The following WNT5A variants were observed in gnomAD, a reference collection of about 807,000 sequenced individuals.
The protein encoded by WNT5A is Wnt family member 5A, also known as protein Wnt-5a.
WNT5A carries 9 observed loss-of-function variants against 42.1 expected under a neutral mutation model. The observed-to-expected ratio is 0.21, with a 90% CI of 0.13 to 0.37. The LOEUF (loss-of-function observed/expected upper bound fraction) is 0.37. WNT5A is among the 10% of genes least tolerant of loss of function. The pLI is 1.00. For synonymous variants in WNT5A, 210 were observed against 210.0 expected (o/e 1.00, Z 0.00); for missense variants, 426 against 534.0 (o/e 0.80, Z 1.99).
intron 1 of WNT5A, among the ~76,000 whole-genome samples, chr3:55,482,832 G>A (rs1267522061): frequency 6.6e-6 from 1 of 152,218 alleles, no homozygotes; most frequent in South Asian, 2.1e-4. Flanking sequence ...TGCTTCTCGC[G>A]CAGCCCAGGC....
chr3:55,486,884 A>C, intron 1 of WNT5A, 96 bp downstream of exon 1: 1 of 844,984 alleles, frequency 1.2e-6, no homozygotes, highest in African/African-American at 1.7e-5. Context: ...GGTTGGGGAA[A>C]TGGAGGGATA....
chr3:55,481,062 G>GAT, intron 1 of WNT5A, 144 bp from the exon 2 acceptor site: 1 of 894,982 alleles, frequency 1.1e-6, no homozygotes, highest in Non-Finnish European at 1.5e-6. Flanking sequence ...TTGATGGCAA[G>GAT]ATATAGGCAG....
At chr3:55,474,152 G>A in intron 4 of WNT5A, among the ~76,000 whole-genome samples, 185 bp downstream of exon 4, 1 of 152,008 alleles carries the variant, frequency 6.6e-6, no homozygotes, top group Middle Eastern at 3.2e-3. Context: ...AGGATGAGGA[G>A]GAAAGAGACA....
At chr3:55,470,692 C>T (rs2051233993) in intron 4 of WNT5A, 142 bp from the exon 5 acceptor site, 1 of 775,670 alleles carries the variant, frequency 1.3e-6, no homozygotes, top group Admixed American at 3.3e-5. Flanking sequence ...CCTTCATTAC[C>T]AGAAGTCTTA....
intron 1 of WNT5A, chr3:55,481,204 C>T (rs1407572835): frequency 3.9e-6 from 3 of 767,838 alleles, no homozygotes; most frequent in Non-Finnish European, 5.0e-6. Flanking sequence ...TGGTGCCAGG[C>T]GCTGCCTCCT....
chr3:55,470,657 CT>C (rs1370905351), intron 4 of WNT5A, 107 bp from the exon 5 acceptor site: 1 of 1,060,670 alleles, frequency 9.4e-7, no homozygotes, highest in African/African-American at 1.6e-5. Context: ...TGTTCCCCAG[CT>C]GAATTAAGGA....
intron 3 of WNT5A, 123 bp downstream of exon 3, chr3:55,479,191 G>T: frequency 1.8e-6 from 2 of 1,132,722 alleles, no homozygotes; most frequent in Non-Finnish European, 2.4e-6. Flanking sequence ...AAATGCCCAA[G>T]CCACCACCCG....
intron 2 of WNT5A, among the ~76,000 whole-genome samples, chr3:55,480,435 A>G (rs1262095397): frequency 6.6e-6 from 1 of 152,198 alleles, no homozygotes; most frequent in Non-Finnish European, 1.5e-5. Context: ...TTTACTACCT[A>G]GAGGTGGCAA....
intron 3 of WNT5A, among the ~76,000 whole-genome samples, chr3:55,477,184 T>G (rs187601031): frequency 7.3e-4 from 111 of 152,294 alleles, no homozygotes; most frequent in East Asian, 7.7e-4. Context: ...GTATTTTAAA[T>G]TTTCCCTTAG....
chr3:55,470,655 A>C, intron 4 of WNT5A, 105 bp from the exon 5 acceptor site: 1 of 1,058,490 alleles, frequency 9.4e-7, no homozygotes, highest in Non-Finnish European at 1.3e-6. Context: ...TATGTTCCCC[A>C]GCTGAATTAA....
chr3:55,490,655 C>T (rs908947083), upstream of WNT5A: 8 of 152,318 alleles, frequency 5.3e-5, no homozygotes, highest in Middle Eastern at 3.4e-3. Context: ...CAGGCCCTTA[C>T]CTGGCACTCA....
chr3:55,479,296 T>C lies in WNT5A; in HGVS notation c.391+18A>G. The C allele has an allele frequency of 1.4e-6, 2 of 1,471,288 alleles. No homozygotes were observed. The highest frequency in any genetic ancestry group is 1.4e-5 in the African/African-American group (1 of 70,594). The allele number at this position is 1,471,288 out of a possible 1,614,324, so 91.1% of individuals were successfully genotyped here. ...AAAAAGTTAATGTTTTAAAAAAATA[T>C]TTTAAATGTTTTCCTACCTATCTGC... On this transcript the variant is annotated intron_variant, in intron 3 of 4. Coordinates refer to ENST00000264634, the MANE Select transcript of WNT5A (RefSeq NM_003392.7).
At chr3:55,496,568 A>C in the WNT5A span, among the ~76,000 whole-genome samples, 1 of 152,176 alleles carries the variant, frequency 6.6e-6, no homozygotes, top group Non-Finnish European at 1.5e-5. Context: ...GGCTCCACTC[A>C]CGTGTCATTT....
Position 55,467,437 on chromosome 3 carries a change from C to G in WNT5A, c.*2655G>C, listed in dbSNP as rs75604544. 72 of 147,384 alleles carry G rather than the reference C, an allele frequency of 4.9e-4. No homozygotes were observed. The East Asian group carries it at 0.014, about 28-fold the overall frequency. The allele number at this position is 147,384 out of a possible 1,614,324, so 9.1% of individuals were successfully genotyped here. On this transcript the variant is annotated 3_prime_UTR_variant, in exon 5 of 5. Transcript: ENST00000264634. Reference sequence around the variant, plus strand: ...CCTTTTGTTCCATTACATATAGAAACCTTTTGAAGCTTCCAAATAGCTTGG... The same window carrying G: ...CCTTTTGTTCCATTACATATAGAAAGCTTTTGAAGCTTCCAAATAGCTTGG...
chr3:55,480,863 A>G lies in WNT5A; in HGVS notation c.62T>C (p.Met21Thr), dbSNP rs748871825. 9 of 1,590,274 alleles carry G rather than the reference A, an allele frequency of 5.7e-6. No homozygotes were observed. The highest frequency in any genetic ancestry group is 1.3e-5 in the African/African-American group (1 of 74,596). Residue 21 changes from methionine to threonine, a missense_variant, in exon 2 of 5, where the codon ATG becomes ACG. Coordinates refer to ENST00000264634, the MANE Select transcript of WNT5A (RefSeq NM_003392.7). ...AGCCACTAGGAAGAACTTGGAAGAC[A>G]TTGCACTTCCAGCCATCCCCAAAGC... ...GVALGMAGSAMSSKFFLVALA... is the reference protein window; with the variant it reads ...GVALGMAGSATSSKFFLVALA...
chr3:55,480,048 G>A (rs971498137), intron 2 of WNT5A, among the ~76,000 whole-genome samples: 7 of 152,122 alleles, frequency 4.6e-5, no homozygotes, highest in African/African-American at 1.7e-4. Flanking sequence ...ACAGACTGGA[G>A]AAAATTCACC....
Position 55,487,060 on chromosome 3 carries a change from G to A in WNT5A, c.-75C>T. On this transcript the variant is annotated 5_prime_UTR_variant, in exon 1 of 5. Coordinates refer to ENST00000264634, the MANE Select transcript of WNT5A (RefSeq NM_003392.7). ...GCCGAGGAATCCGAGCGGAGCGACC[G>A]GGTTAAGCCTGGGGGGACGGTCAGG... 2.8e-6 allele frequency: 4 copies of A among 1,448,738 alleles called. No homozygotes were observed. Among genetic ancestry groups the A allele is most frequent in the Non-Finnish European group, 3.8e-6 (4 of 1,045,872 alleles). The allele number at this position is 1,448,738 out of a possible 1,614,324, so 89.7% of individuals were successfully genotyped here.
At chr3:55,491,222 T>C (rs567208493), upstream of WNT5A, among the ~76,000 whole-genome samples, 5 of 152,314 alleles carry the variant, frequency 3.3e-5, 1 homozygote, top group South Asian at 1.0e-3. Context: ...GGCTCAGTTG[T>C]AAGCACCAGT....
chr3:55,486,573 C>T (rs2051582785), intron 1 of WNT5A, among the ~76,000 whole-genome samples: 1 of 152,244 alleles, frequency 6.6e-6, no homozygotes, highest in South Asian at 2.1e-4. Context: ...ACACACCGTC[C>T]CGGTGCCCGC....
Sources: gnomAD v4.1 joint callset for allele counts (sites outside exome capture counted in the v4.1 genomes callset) on GRCh38, gnomAD v4.1.1 for gene constraint, MANE v1.5 for transcripts, NCBI Gene and HGNC (gene_info 2026-07-23, HGNC 2026-07-21) for gene names.